GSE1: variants seen among roughly 807,000 people sequenced by gnomAD.
GSE1 encodes the protein Gse1 coiled-coil protein.
A neutral mutation model predicts 112.6 loss-of-function variants in GSE1; 32 were observed. The observed-to-expected ratio is 0.28, with a 90% CI of 0.21 to 0.38. The LOEUF is 0.38. Among genes scored for constraint, GSE1 ranks in the 10% least tolerant of loss-of-function variants. The probability of loss-of-function intolerance (pLI) is 1.00; values close to 1 mark genes in which losing one functional copy is unlikely to be tolerated. For missense variants in GSE1, 2,348 were observed against 1,699.2 expected (o/e 1.38, Z -6.71); for synonymous variants, 1,115 against 735.6 (o/e 1.52, Z -8.35).
chr16:85,357,537 C>A (rs1340521605), exon 2 of GSE1: 2 of 1,281,542 alleles, frequency 1.6e-6, no homozygotes, highest in South Asian at 1.2e-5. Context: ...GGCCACGCGC[C>A]CCCACGGAGA....
chr16:85,540,465 T>C (rs910523840), intron 2 of GSE1, among the ~76,000 whole-genome samples: 4 of 152,242 alleles, frequency 2.6e-5, no homozygotes, highest in African/African-American at 7.2e-5. Context: ...TGGCTTTGTG[T>C]TCCCCTTGAC....
chr16:85,456,212 G>A lies in GSE1; in HGVS notation c.2464+98569G>A, dbSNP rs183148523. On this transcript the variant is annotated intron_variant, in intron 2 of 2. Transcript: ENST00000637419. ...TGGGCCAGACCCCTGGTATATTGTC[G>A]TGGGGTGCAAAGGGGGTCTGTCATC... 2.0e-3 allele frequency among the ~76,000 whole-genome samples: 308 copies of A among 152,276 alleles called. 1 individual carries two copies. Among genetic ancestry groups the A allele is most frequent in the African/African-American group, 6.0e-3 (250 of 41,546 alleles).
chr16:85,514,425 GT>G (rs1348544477), intron 2 of GSE1, among the ~76,000 whole-genome samples: 8 of 102,644 alleles, frequency 7.8e-5, no homozygotes, highest in East Asian at 3.8e-4. Flanking sequence ...ATGCTCTCGA[GT>G]CCCCCCCCCC....
chr16:85,636,470 C>T (rs2050006515), intron 2 of GSE1, among the ~76,000 whole-genome samples: 1 of 152,204 alleles, frequency 6.6e-6, no homozygotes, highest in African/African-American at 2.4e-5. Context: ...GACTGGGTGA[C>T]TCGTTCCTCG....
chr16:85,332,037 G>T (rs2046386121), intron 1 of GSE1, among the ~76,000 whole-genome samples: 1 of 151,902 alleles, frequency 6.6e-6, no homozygotes, highest in South Asian at 2.1e-4. Context: ...GAGGCTCTGG[G>T]GCCCTTTGGC....
At chr16:85,451,055 CAA>C in intron 2 of GSE1, among the ~76,000 whole-genome samples, 1 of 96,352 alleles carries the variant, frequency 1.0e-5, no homozygotes, top group Non-Finnish European at 1.9e-5. Flanking sequence ...GCCTGGGTGA[CAA>C]GAGCAAAACG....
intron 1 of GSE1, among the ~76,000 whole-genome samples, chr16:85,235,312 G>A (rs566630252): frequency 1.3e-3 from 191 of 151,846 alleles, no homozygotes; most frequent in Non-Finnish European, 1.8e-3. Context: ...GGGGGGTGAC[G>A]GCTCCCCAGG....
intron 1 of GSE1, among the ~76,000 whole-genome samples, chr16:85,334,862 G>A (rs1426172865): frequency 1.3e-5 from 2 of 152,222 alleles, no homozygotes; most frequent in African/African-American, 4.8e-5. Flanking sequence ...GTAAAGGAGA[G>A]CCGCTTTAGT....
At chr16:85,276,967 G>T (rs1303657990) in intron 1 of GSE1, among the ~76,000 whole-genome samples, 1 of 152,252 alleles carries the variant, frequency 6.6e-6, no homozygotes, top group Admixed American at 6.5e-5. Context: ...GCCGGGCCAG[G>T]CCTGGGGGCT....
intron 1 of GSE1, among the ~76,000 whole-genome samples, chr16:85,206,111 C>T (rs1256887925): frequency 1.3e-5 from 2 of 148,492 alleles, no homozygotes; most frequent in Non-Finnish European, 3.0e-5. Flanking sequence ...AGGCATCTGC[C>T]GGGGGTGCTG....
Position 85,297,026 on chromosome 16 carries a change from T to C in GSE1, c.2284-60437T>C, listed in dbSNP as rs564690702. 5.3e-5 allele frequency among the ~76,000 whole-genome samples: 8 copies of C among 151,872 alleles called. 1 individual carries two copies. Among genetic ancestry groups the C allele is most frequent in the African/African-American group, 1.5e-4 (6 of 41,334 alleles). On this transcript the variant is annotated intron_variant, in intron 1 of 2. Transcript: ENST00000637419. ...TGTGGACTGCATCTTTATTGACTTA[T>C]GGGGCTTGGGAAGTCCCAAGCCTTC...
At chr16:85,346,771 G>GTGGA (rs1249865143) in intron 1 of GSE1, among the ~76,000 whole-genome samples, 2 of 150,372 alleles carry the variant, frequency 1.3e-5, no homozygotes, top group African/African-American at 4.9e-5. Context: ...TGGGTGGACG[G>GTGGA]TGGATGGATG....
At chr16:85,631,184 C>G (rs978374840) in intron 1 of GSE1, among the ~76,000 whole-genome samples, 2 of 152,196 alleles carry the variant, frequency 1.3e-5, no homozygotes, top group Non-Finnish European at 2.9e-5. Flanking sequence ...TCTAGACATT[C>G]CCTCCTAAAA....
chr16:85,508,607 C>T (rs771588493), intron 2 of GSE1, among the ~76,000 whole-genome samples: 3 of 152,206 alleles, frequency 2.0e-5, no homozygotes, highest in South Asian at 2.1e-4. Context: ...GGGCAGGGCC[C>T]GCGGCCTCTA....
At chr16:85,408,118 A>G (rs1491001656) in intron 2 of GSE1, among the ~76,000 whole-genome samples, 2 of 31,034 alleles carry the variant, frequency 6.4e-5, no homozygotes, top group Admixed American at 5.8e-4. Flanking sequence ...CCTCACTGTT[A>G]CTCTCAGGCC....
intron 1 of GSE1, among the ~76,000 whole-genome samples, chr16:85,212,883 T>C (rs1229567355): frequency 6.6e-6 from 1 of 152,150 alleles, no homozygotes; most frequent in African/African-American, 2.4e-5. Flanking sequence ...ATCCCAGCAC[T>C]TTGGGAGGCC....
chr16:85,426,649 G>C (rs2151751461), intron 2 of GSE1, among the ~76,000 whole-genome samples: 1 of 151,372 alleles, frequency 6.6e-6, no homozygotes, highest in East Asian at 2.0e-4. Flanking sequence ...GTAGGTGGGT[G>C]GATGGGTGAA....
At chr16:85,553,651 G>T (rs928403792), upstream of GSE1, among the ~76,000 whole-genome samples, 40 of 152,114 alleles carry the variant, frequency 2.6e-4, no homozygotes, top group African/African-American at 9.4e-4. Context: ...CGAGCTGCTG[G>T]CGGCGGCGGG....
rs1177255692 is a variant in GSE1, at chr16:85,666,109, G to A, written c.2892G>A (p.Gln964=). The A allele has an allele frequency of 2.5e-6, 4 of 1,613,286 alleles. No individual in the cohort carries two copies. Among genetic ancestry groups the A allele is most frequent in the Non-Finnish European group, 2.5e-6 (3 of 1,179,972 alleles). The change falls in exon 13 of 16, where the codon CAG becomes CAA. Residue 964 remains glutamine, a synonymous_variant. Coordinates refer to ENST00000253458, the MANE Select transcript of GSE1 (RefSeq NM_014615.5). ...GGCCCCAGGAGCTGTCGAGAGTCCA[G>A]GAGCTAGCTCCTGCCAGCGGGGAGA... ...QVRPQELSRV[Q]ELAPASGEKA...
Sources: gnomAD v4.1 joint callset for allele counts (sites outside exome capture counted in the v4.1 genomes callset) on GRCh38, gnomAD v4.1.1 for gene constraint, MANE v1.5 for transcripts, NCBI Gene and HGNC (gene_info 2026-07-23, HGNC 2026-07-21) for gene names.